Variants in ANXA4 observed in about 807,000 individuals in gnomAD.
ANXA4 encodes annexin A4.
A neutral mutation model predicts 49.8 loss-of-function variants in ANXA4; 39 were observed. That is an observed-to-expected ratio of 0.78 (90% CI 0.61 to 1.02). ANXA4 has a LOEUF of 1.02. Among genes scored for constraint, ANXA4 ranks in the 50% least tolerant of loss-of-function variants. The pLI, the probability that ANXA4 is intolerant of heterozygous loss-of-function variation, is 0.00. For synonymous variants in ANXA4, 134 were observed against 152.5 expected (o/e 0.88, Z 0.89); for missense variants, 360 against 410.1 (o/e 0.88, Z 1.05).
At chr2:69,717,211 G>A (rs1184679427) in intron 2 of ANXA4, among the ~76,000 whole-genome samples, 1 of 152,180 alleles carries the variant, frequency 6.6e-6, no homozygotes, top group East Asian at 1.9e-4. Context: ...CCATTTAAAA[G>A]CATCCATATG....
intron 2 of ANXA4, among the ~76,000 whole-genome samples, chr2:69,709,810 AG>A (rs1320103133): frequency 1.3e-5 from 2 of 152,178 alleles, no homozygotes. Flanking sequence ...TGTGCTTGTA[AG>A]GGAAGCACCA....
At chr2:69,793,137 A>G in intron 3 of ANXA4, among the ~76,000 whole-genome samples, 1 of 152,098 alleles carries the variant, frequency 6.6e-6, no homozygotes. Context: ...CTGTAATCCC[A>G]GCTACTCAGG....
At chr2:69,753,568 C>T (rs1457801614) in intron 1 of ANXA4, among the ~76,000 whole-genome samples, 1 of 152,194 alleles carries the variant, frequency 6.6e-6, no homozygotes, top group African/African-American at 2.4e-5. Flanking sequence ...TGACAACATC[C>T]AGGGCCAGGA....
chr2:69,679,334 C>A (rs1355602835), intron 2 of ANXA4, among the ~76,000 whole-genome samples: 1 of 152,092 alleles, frequency 6.6e-6, no homozygotes, highest in Non-Finnish European at 1.5e-5. Flanking sequence ...AATGTCTATT[C>A]ATCTCCTTTG....
At chr2:69,770,964 C>T (rs938858486) in intron 1 of ANXA4, among the ~76,000 whole-genome samples, 4 of 150,432 alleles carry the variant, frequency 2.7e-5, no homozygotes, top group Admixed American at 6.6e-5. Flanking sequence ...CGTGGTGGCA[C>T]GTACCTGTAG....
At chr2:69,755,471 C>A (rs1207188752) in intron 1 of ANXA4, among the ~76,000 whole-genome samples, 1 of 152,112 alleles carries the variant, frequency 6.6e-6, no homozygotes, top group Non-Finnish European at 1.5e-5. Flanking sequence ...ATTAGCCACG[C>A]ATGGTGGCCT....
intron 3 of ANXA4, among the ~76,000 whole-genome samples, chr2:69,728,749 A>C (rs1670025263): frequency 6.6e-6 from 1 of 152,176 alleles, no homozygotes; most frequent in African/African-American, 2.4e-5. Flanking sequence ...TGAATACCAC[A>C]CTGACTTTAA....
intron 2 of ANXA4, among the ~76,000 whole-genome samples, chr2:69,786,413 T>G (rs1317345956): frequency 6.6e-6 from 1 of 152,096 alleles, no homozygotes; most frequent in African/African-American, 2.4e-5. Flanking sequence ...TCTCTGCATC[T>G]CTCTACAGCA....
intron 3 of ANXA4, among the ~76,000 whole-genome samples, chr2:69,796,797 C>T (rs2103764542): frequency 6.6e-6 from 1 of 152,212 alleles, no homozygotes; most frequent in South Asian, 2.1e-4. Context: ...TTAGAAGCTG[C>T]CCCCAATGGC....
upstream of ANXA4, among the ~76,000 whole-genome samples, chr2:69,738,811 A>G (rs146690717): frequency 0.035 from 5,291 of 152,122 alleles, 308 homozygotes; most frequent in African/African-American, 0.12. Flanking sequence ...GGTACCCAAT[A>G]TGTGAGTTCT....
chr2:69,647,243 G>C (rs923414851), intron 1 of ANXA4, among the ~76,000 whole-genome samples: 3 of 152,074 alleles, frequency 2.0e-5, no homozygotes, highest in Non-Finnish European at 4.4e-5. Context: ...TCACCAGCCT[G>C]CAGGCTGCAA....
At chr2:69,656,640 C>T (rs1179601334) in intron 2 of ANXA4, among the ~76,000 whole-genome samples, 2 of 150,062 alleles carry the variant, frequency 1.3e-5, no homozygotes, top group African/African-American at 2.5e-5. Flanking sequence ...GCAACCTCCA[C>T]CTCCTGGGTT....
chr2:69,689,843 G>A (rs1167981665), intron 2 of ANXA4, among the ~76,000 whole-genome samples: 1 of 151,996 alleles, frequency 6.6e-6, no homozygotes, highest in Non-Finnish European at 1.5e-5. Flanking sequence ...AGAGGAGTGT[G>A]ACTTCTATCC....
chr2:69,717,994 A>G (rs1205826360), intron 2 of ANXA4, among the ~76,000 whole-genome samples: 1 of 152,118 alleles, frequency 6.6e-6, no homozygotes, highest in East Asian at 1.9e-4. Context: ...TGATACCCTA[A>G]GGCTGTATGT....
intron 1 of ANXA4, among the ~76,000 whole-genome samples, chr2:69,764,328 T>C (rs1458003514): frequency 6.6e-6 from 1 of 152,206 alleles, no homozygotes; most frequent in Non-Finnish European, 1.5e-5. Flanking sequence ...GGACTTTGAT[T>C]CTAAAATAAC....
intron 1 of ANXA4, among the ~76,000 whole-genome samples, chr2:69,770,374 T>C (rs372634449): frequency 4.6e-5 from 7 of 152,336 alleles, no homozygotes; most frequent in African/African-American, 1.7e-4. Flanking sequence ...TGCAGACCAG[T>C]GGTTTAAATT....
Position 69,698,278 on chromosome 2 carries a change from A to G in ANXA4, n.767-22496A>G, listed in dbSNP as rs182273099. ...GCCTCCTAATACCATCACCTTGAGGATTGGGATTTTAACCTATGAATTTTG... is the reference window on the plus strand; with the variant it reads ...GCCTCCTAATACCATCACCTTGAGGGTTGGGATTTTAACCTATGAATTTTG... On this transcript the variant is annotated intron_variant and non_coding_transcript_variant, in intron 2 of 3. Coordinates refer to the ANXA4 transcript ENST00000418066. 1.2e-3 allele frequency among the ~76,000 whole-genome samples: 188 copies of G among 152,260 alleles called. 1 individual carries two copies. The highest frequency in any genetic ancestry group is 7.8e-4 in the Non-Finnish European group (53 of 68,008).
At chr2:69,679,116 G>T (rs983105955) in intron 2 of ANXA4, among the ~76,000 whole-genome samples, 1 of 151,908 alleles carries the variant, frequency 6.6e-6, no homozygotes, top group African/African-American at 2.4e-5. Flanking sequence ...ATATTTTGTG[G>T]TTTTTTAAAT....
intron 2 of ANXA4, among the ~76,000 whole-genome samples, chr2:69,783,341 G>A (rs1028882425): frequency 3.9e-5 from 6 of 152,000 alleles, no homozygotes; most frequent in African/African-American, 1.4e-4. Context: ...TCAGCCTCCT[G>A]AGTAGCTGGG....
Sources: gnomAD v4.1 joint callset for allele counts (sites outside exome capture counted in the v4.1 genomes callset) on GRCh38, gnomAD v4.1.1 for gene constraint, MANE v1.5 for transcripts, NCBI Gene and HGNC (gene_info 2026-07-23, HGNC 2026-07-21) for gene names.